KIF3C: variants seen among roughly 807,000 people sequenced by gnomAD.
The protein encoded by KIF3C is kinesin family member 3C.
A neutral mutation model predicts 67.7 loss-of-function variants in KIF3C; 12 were observed. The observed-to-expected ratio is 0.18, with a 90% CI of 0.11 to 0.29. The LOEUF (loss-of-function observed/expected upper bound fraction) is 0.29, where lower values mean the gene tolerates loss of function less well. KIF3C is among the 10% of genes least tolerant of loss of function. The pLI, the probability that KIF3C is intolerant of heterozygous loss-of-function variation, is 1.00. For synonymous variants in KIF3C, 393 were observed against 426.2 expected, an observed-to-expected ratio of 0.92 and a Z score of 0.96; for missense variants, 789 against 1,059.6, an observed-to-expected ratio of 0.74 and a Z score of 3.55.
At chr2:25,937,777 G>A (rs1663172758) in intron 5 of KIF3C, among the ~76,000 whole-genome samples, 1 of 152,140 alleles carries the variant, frequency 6.6e-6, no homozygotes, top group African/African-American at 2.4e-5. Flanking sequence ...TTGGCCAGGT[G>A]TGGTGGCTCA....
chr2:25,955,646 C>A lies in KIF3C; in HGVS notation c.1665G>T (p.Glu555Asp). The A allele has an allele frequency of 6.2e-7, 1 of 1,614,182 alleles. No homozygotes were observed. The highest frequency in any genetic ancestry group is 1.1e-5 in the South Asian group (1 of 91,084). ...EIAEQKRRER[E>D]MQQEMMLRDE... is the part of the protein sequence containing the mutation. Reference sequence around the variant, plus strand: ...CCCGGAGCATCATCTCCTGCTGCATCTCCCGCTCACGACGTTTCTAGGCCA... The same window carrying A: ...CCCGGAGCATCATCTCCTGCTGCATATCCCGCTCACGACGTTTCTAGGCCA... Residue 555 changes from glutamate (E) to aspartate (D), a missense_variant, in exon 3 of 8, where the codon GAG (glutamate) becomes GAT (aspartate). By Grantham distance (45) the Glu-to-Asp change is conservative. Transcript: ENST00000264712. The surrounding 1 kb of genome is among the most constrained non-coding windows in gnomAD (Gnocchi z 5.0).
intron 1 of KIF3C, among the ~76,000 whole-genome samples, chr2:25,970,732 A>C (rs1165715663): frequency 3.3e-5 from 5 of 151,744 alleles, no homozygotes; most frequent in Non-Finnish European, 5.9e-5. Flanking sequence ...CGCATGGAAG[A>C]AATGGTAGCT....
intron 5 of KIF3C, 88 bp from the exon 6 acceptor site, chr2:25,930,151 C>T: frequency 2.0e-6 from 2 of 1,021,874 alleles, no homozygotes; most frequent in East Asian, 2.4e-5. Context: ...ATTCAGGTAG[C>T]TAGGAGGCCC....
Position 25,928,979 on chromosome 2 carries a change from C to T in KIF3C, c.2381G>A (p.Ter794=). The T allele has an allele frequency of 6.2e-7, 1 of 1,612,596 alleles. No individual in the cohort carries two copies. The highest frequency in any genetic ancestry group is 1.1e-5 in the South Asian group (1 of 90,938). ...ATGGGCAGCCTGACGTGATGGTTGT[C>T]ACTCATGGTCCGCCACTGTTGCAGG... ...LRPATVADHE[*] Residue 794 remains the stop codon, a stop_retained_variant, in exon 8 of 8, where the codon TGA becomes TAA. Coordinates refer to ENST00000264712, the MANE Select transcript of KIF3C (RefSeq NM_002254.8).
intron 5 of KIF3C, among the ~76,000 whole-genome samples, chr2:25,932,326 A>G (rs2149221596): frequency 6.6e-6 from 1 of 150,846 alleles, no homozygotes; most frequent in Non-Finnish European, 1.5e-5. Context: ...TAGTAGAGAC[A>G]GGGGGTTTCA....
intron 5 of KIF3C, among the ~76,000 whole-genome samples, chr2:25,945,520 T>C (rs1310163920): frequency 2.3e-5 from 3 of 128,396 alleles, no homozygotes; most frequent in African/African-American, 6.2e-5. Flanking sequence ...TGAGCCAAGA[T>C]AGTGTCACCG....
intron 4 of KIF3C, among the ~76,000 whole-genome samples, chr2:25,953,909 C>T (rs527335370): frequency 3.2e-4 from 49 of 151,956 alleles, no homozygotes; most frequent in African/African-American, 1.1e-3. Flanking sequence ...CTCAGGTGAT[C>T]CACCTGCCTC....
At chr2:25,942,861 A>G (rs963487125) in intron 5 of KIF3C, among the ~76,000 whole-genome samples, 4 of 152,218 alleles carry the variant, frequency 2.6e-5, no homozygotes, top group African/African-American at 9.6e-5. Flanking sequence ...TTGATTAGGA[A>G]TATTTCTCAA....
chr2:25,962,622 C>T (rs1663976577), intron 1 of KIF3C, among the ~76,000 whole-genome samples: 4 of 148,552 alleles, frequency 2.7e-5, no homozygotes, highest in Admixed American at 1.4e-4. Flanking sequence ...GGTGATCCAC[C>T]CACCTCAGCC....
chr2:25,959,527 C>T (rs955353140), intron 1 of KIF3C, among the ~76,000 whole-genome samples: 3 of 152,118 alleles, frequency 2.0e-5, no homozygotes, highest in African/African-American at 7.2e-5. Flanking sequence ...GCAACCTTCA[C>T]CTGCCACGTT....
At chr2:25,932,006 T>G (rs550896658) in intron 5 of KIF3C, among the ~76,000 whole-genome samples, 18 of 148,396 alleles carry the variant, frequency 1.2e-4, no homozygotes, top group African/African-American at 3.5e-4. Flanking sequence ...CTGTTTTGTT[T>G]TTTTTTTTTT....
intron 1 of KIF3C, among the ~76,000 whole-genome samples, chr2:25,966,757 G>A (rs774066054): frequency 6.6e-6 from 1 of 152,214 alleles, no homozygotes; most frequent in African/African-American, 2.4e-5. Context: ...GCTCTGCCCT[G>A]CCACTGCCAC....
intron 5 of KIF3C, among the ~76,000 whole-genome samples, chr2:25,935,858 A>G (rs1663094490): frequency 6.6e-6 from 1 of 151,960 alleles, no homozygotes; most frequent in Non-Finnish European, 1.5e-5. Context: ...TGGGTGGATC[A>G]CGAGGTCAGG....
In KIF3C at chr2:25,980,670, G is replaced by T. The variant is rs556048791; in HGVS notation, c.1248C>A (p.Ser416=). ...RKSSRRKKAV[S]APPGYPEGPV... ...GGCCCTCAGGGTACCCAGGCGGGGC[G>T]GACACGGCCTTCTTCCTGCGGCTGC... The change falls in exon 1 of 8, where the codon TCC becomes TCA. Residue 416 remains serine (S), a synonymous_variant. Coordinates refer to ENST00000264712, the MANE Select transcript of KIF3C (RefSeq NM_002254.8). The surrounding 1 kb of genome is among the most constrained non-coding windows in gnomAD (Gnocchi z 7.6). The T allele has an allele frequency of 2.5e-6, 4 of 1,614,012 alleles. No homozygotes were observed. Among genetic ancestry groups the T allele is most frequent in the Non-Finnish European group, 3.4e-6 (4 of 1,180,026 alleles).
rs367639221 is a variant in KIF3C, at chr2:25,956,460, G to C, written c.1546-16C>G. 57 of 1,601,600 alleles carry C rather than the reference G, an allele frequency of 3.6e-5. No homozygotes were observed. In the African/African-American group the frequency reaches 7.2e-4, roughly 20 times the overall value. On this transcript the variant is annotated splice_polypyrimidine_tract_variant and intron_variant, in intron 1 of 7. Coordinates refer to ENST00000264712, the MANE Select transcript of KIF3C (RefSeq NM_002254.8). ...TCTCCATGGCCTGGGGACACAGAGG[G>C]GTTGGGAGGTGGGCTTTGCAAAGGG...
chr2:25,979,634 C>G (rs1354745475), intron 1 of KIF3C, among the ~76,000 whole-genome samples: 2 of 152,126 alleles, frequency 1.3e-5, no homozygotes, highest in Non-Finnish European at 2.9e-5. Context: ...GCATAACCCC[C>G]AAATCTCTTT....
chr2:25,951,474 AGACCT>A, intron 5 of KIF3C: 1 of 299,118 alleles, frequency 3.3e-6, no homozygotes, highest in South Asian at 4.1e-5. Flanking sequence ...AATATTCACC[AGACCT>A]GGCCAGATGT....
chr2:25,942,803 AT>A (rs1454476973), intron 5 of KIF3C, among the ~76,000 whole-genome samples: 1 of 152,192 alleles, frequency 6.6e-6, no homozygotes, highest in African/African-American at 2.4e-5. Flanking sequence ...TAATGGCTAC[AT>A]GGAGATGGTA....
chr2:25,969,387 T>A (rs1052604700), intron 1 of KIF3C, among the ~76,000 whole-genome samples: 5 of 152,140 alleles, frequency 3.3e-5, no homozygotes, highest in Non-Finnish European at 7.3e-5. Flanking sequence ...TTTAATTTTT[T>A]AAAAGTGGGT....
Sources: gnomAD v4.1 joint callset for allele counts (sites outside exome capture counted in the v4.1 genomes callset) on GRCh38, gnomAD v4.1.1 for gene constraint, Gnocchi (gnomAD v3.1) non-coding constraint, MANE v1.5 for transcripts, NCBI Gene and HGNC (gene_info 2026-07-23, HGNC 2026-07-21) for gene names.